Variants in TBCCD1 observed in about 807,000 individuals in gnomAD.
TBCCD1 encodes the protein TBCC domain-containing protein 1.
TBCCD1 carries 26 observed loss-of-function variants against 53.4 expected under a neutral mutation model. The observed-to-expected ratio is 0.49, with a 90% CI of 0.36 to 0.68. TBCCD1 has a LOEUF of 0.68. Ranked by LOEUF, TBCCD1 falls within the 30% of genes least tolerant of loss-of-function variation. The pLI, the probability that TBCCD1 is intolerant of heterozygous loss-of-function variation, is 0.00. For missense variants in TBCCD1, 558 were observed against 669.5 expected (o/e 0.83, Z 1.84); for synonymous variants, 245 against 241.7 (o/e 1.01, Z -0.13).
rs554406715 is a variant in TBCCD1, at chr3:186,559,359, A to AT, written c.337-788dup. 1.4e-4 allele frequency among the ~76,000 whole-genome samples: 21 copies of AT among 152,308 alleles called. No homozygotes were observed. The South Asian group carries it at 4.3e-3, about 32-fold the overall frequency. ...GTATGTAATTTTTTGGTATATGTGC[A>AT]TTTTTCAAGGGAGTAGGCCTCAGGT... On this transcript the variant is annotated intron_variant, in intron 2 of 7. Coordinates refer to ENST00000338733, the MANE Select transcript of TBCCD1 (RefSeq NM_018138.5).
upstream of TBCCD1, chr3:186,570,084 AG>A: frequency 1.5e-6 from 1 of 665,842 alleles, no homozygotes; most frequent in Non-Finnish European, 2.7e-6. Context: ...ACTTGGGAGG[AG>A]GGGAGGGGTG....
chr3:186,568,685 G>C (rs978528137), upstream of TBCCD1, among the ~76,000 whole-genome samples: 70 of 152,108 alleles, frequency 4.6e-4, 2 homozygotes, highest in Non-Finnish European at 1.5e-4. Flanking sequence ...TGGATCACTT[G>C]AGGTCAGGAG....
intron 4 of TBCCD1, among the ~76,000 whole-genome samples, chr3:186,555,979 C>T (rs935586706): frequency 3.9e-5 from 6 of 152,142 alleles, no homozygotes; most frequent in African/African-American, 7.2e-5. Flanking sequence ...CACACCGTTA[C>T]GTGACTGCCT....
intron 7 of TBCCD1, among the ~76,000 whole-genome samples, chr3:186,550,026 A>G (rs1714322848): frequency 6.6e-6 from 1 of 152,050 alleles, no homozygotes; most frequent in South Asian, 2.1e-4. Flanking sequence ...TAGGAGTTCA[A>G]GATCAGCCCA....
chr3:186,565,798 G>T (rs777069854), intron 1 of TBCCD1, among the ~76,000 whole-genome samples: 3 of 152,094 alleles, frequency 2.0e-5, no homozygotes, highest in Non-Finnish European at 2.9e-5. Context: ...ATGTACTTTT[G>T]TGAAATTAAG....
At chr3:186,569,295 T>C (rs1291387426), upstream of TBCCD1, among the ~76,000 whole-genome samples, 2 of 151,672 alleles carry the variant, frequency 1.3e-5, no homozygotes, top group African/African-American at 4.8e-5. Context: ...AGTGACATGA[T>C]TTGACTTTTA....
chr3:186,557,817 T>G (rs1228439194), intron 3 of TBCCD1, among the ~76,000 whole-genome samples: 1 of 152,164 alleles, frequency 6.6e-6, no homozygotes, highest in Non-Finnish European at 1.5e-5. Flanking sequence ...TTTCTTAGCT[T>G]TAGAACATTT....
At chr3:186,551,746 G>A (rs1006426074) in intron 6 of TBCCD1, among the ~76,000 whole-genome samples, 4 of 152,338 alleles carry the variant, frequency 2.6e-5, no homozygotes, top group East Asian at 3.9e-4. Flanking sequence ...AGGCCAACGC[G>A]GGTGGATCGC....
chr3:186,554,203 T>C (rs1282396094), intron 6 of TBCCD1, 51 bp downstream of exon 6: 1 of 1,597,668 alleles, frequency 6.3e-7, no homozygotes, highest in Non-Finnish European at 8.5e-7. Flanking sequence ...AATTTGTTTC[T>C]CCATGGAGTT....
Position 186,554,436 on chromosome 3 carries a change from G to T in TBCCD1, c.1362C>A (p.Asp454Glu), listed in dbSNP as rs778935576. Residue 454 changes from aspartate (D) to glutamate (E), a missense_variant, in exon 6 of 8, where the codon GAC (aspartate) becomes GAA (glutamate). Asp to Glu is a conservative substitution (Grantham distance 45, BLOSUM62 2). Coordinates refer to ENST00000338733, the MANE Select transcript of TBCCD1 (RefSeq NM_018138.5). ...GTGGTAAAAGCTGGAAGACTCTTGT[G>T]TCGCTGTTCTCTCTGCACACAACCA... ...NPMVVCRENS[D>E]TRVFQLLPPC... 1 of 1,614,240 alleles carries T rather than the reference G, an allele frequency of 6.2e-7. No individual in the cohort carries two copies. The highest frequency in any genetic ancestry group is 8.5e-7 in the Non-Finnish European group (1 of 1,180,050).
chr3:186,566,861 TAA>T (rs1457289401), intron 1 of TBCCD1, among the ~76,000 whole-genome samples: 4 of 152,150 alleles, frequency 2.6e-5, no homozygotes, highest in East Asian at 1.9e-4. Context: ...CTCCAAAATG[TAA>T]AGAGGCTGCT....
upstream of TBCCD1, among the ~76,000 whole-genome samples, chr3:186,568,991 A>G (rs1386802066): frequency 3.9e-5 from 6 of 152,078 alleles, no homozygotes; most frequent in Non-Finnish European, 8.8e-5. Context: ...TTGGTCAGGG[A>G]AAGTCCTCCC....
intron 3 of TBCCD1, 48 bp from the exon 4 acceptor site, chr3:186,556,823 G>A (rs1199065943): frequency 6.4e-7 from 1 of 1,555,970 alleles, no homozygotes; most frequent in Non-Finnish European, 8.6e-7. Context: ...GATTCCACAA[G>A]ATCTAAAATT....
At chr3:186,563,028 T>C (rs56730451) in intron 2 of TBCCD1, among the ~76,000 whole-genome samples, 3,247 of 152,304 alleles carry the variant, frequency 0.021, 116 homozygotes, top group African/African-American at 0.074. Flanking sequence ...CCTTTTCCCC[T>C]GTAAGCCACT....
upstream of TBCCD1, chr3:186,570,523 A>T (rs1359845848): frequency 2.0e-6 from 1 of 488,368 alleles, no homozygotes; most frequent in Non-Finnish European, 3.6e-6. Flanking sequence ...GGGTTCCTGC[A>T]GCGGCGCGAC....
At chr3:186,564,412 G>T in intron 1 of TBCCD1, 40 bp from the exon 2 acceptor site, 1 of 1,367,226 alleles carries the variant, frequency 7.3e-7, no homozygotes. Flanking sequence ...TTTGAAACAA[G>T]TCTCATTTAT....
chr3:186,561,950 G>A (rs1578973812), intron 2 of TBCCD1, among the ~76,000 whole-genome samples: 1 of 152,182 alleles, frequency 6.6e-6, no homozygotes, highest in South Asian at 2.1e-4. Flanking sequence ...TATTGATAAT[G>A]GCCAAGATAT....
chr3:186,554,508 C>A lies in TBCCD1; in HGVS notation c.1290G>T (p.Met430Ile). The A allele has an allele frequency of 6.2e-7, 1 of 1,614,228 alleles. No homozygotes were observed. The highest frequency in any genetic ancestry group is 1.1e-5 in the South Asian group (1 of 91,084). ...GCACTGTAGCAAGGCCAGTCCTGGC[C>A]ATATGGTCCTCTAGCATTGGGTAAT... ...HTHYPMLEDH[M>I]ARTGLATVPN... is the part of the protein sequence containing the mutation. Residue 430 changes from methionine to isoleucine, a missense_variant, in exon 6 of 8, where the codon ATG (methionine) becomes ATT (isoleucine). Met to Ile is a conservative substitution (Grantham distance 10, BLOSUM62 1). Transcript: ENST00000338733.
chr3:186,551,595 C>T (rs958055959), intron 6 of TBCCD1, among the ~76,000 whole-genome samples: 2 of 152,178 alleles, frequency 1.3e-5, no homozygotes, highest in African/African-American at 4.8e-5. Flanking sequence ...TGACACTTCA[C>T]GACTCCAGAG....
Sources: gnomAD v4.1 joint callset for allele counts (sites outside exome capture counted in the v4.1 genomes callset) on GRCh38, gnomAD v4.1.1 for gene constraint, MANE v1.5 for transcripts, NCBI Gene and HGNC (gene_info 2026-07-23, HGNC 2026-07-21) for gene names.